DPP10: variants seen among roughly 807,000 people sequenced by gnomAD.
DPP10 encodes inactive dipeptidyl peptidase 10.
In DPP10, 33 loss-of-function variants were observed where a neutral mutation model predicts 120.9. The observed-to-expected ratio is 0.27, with a 90% CI of 0.21 to 0.37. DPP10 has a LOEUF of 0.37. DPP10 is among the 10% of genes least tolerant of loss of function. The pLI is 1.00. For missense variants in DPP10, 816 were observed against 942.8 expected, an observed-to-expected ratio of 0.87 and a Z score of 1.76; for synonymous variants, 337 against 326.1, an observed-to-expected ratio of 1.03 and a Z score of -0.36.
At chr2:115,230,948 G>C (rs1459541211) in intron 1 of DPP10, among the ~76,000 whole-genome samples, 3 of 151,946 alleles carry the variant, frequency 2.0e-5, no homozygotes, top group South Asian at 4.1e-4. Context: ...AGCTAATTTA[G>C]TTAAGTGAGT....
At chr2:114,906,577 A>G (rs1490564730) in intron 1 of DPP10, among the ~76,000 whole-genome samples, 1 of 151,962 alleles carries the variant, frequency 6.6e-6, no homozygotes, top group Non-Finnish European at 1.5e-5. Flanking sequence ...AGAAGTTTGT[A>G]TTTTTCTAAT....
At chr2:114,528,273 A>C (rs1296605140) in intron 1 of DPP10, among the ~76,000 whole-genome samples, 1 of 152,186 alleles carries the variant, frequency 6.6e-6, no homozygotes, top group East Asian at 1.9e-4. Flanking sequence ...AGGGACTATC[A>C]TAGTCAATGG....
intron 5 of DPP10, among the ~76,000 whole-genome samples, chr2:115,528,681 A>G (rs2148908157): frequency 6.6e-6 from 1 of 152,248 alleles, no homozygotes; most frequent in East Asian, 1.9e-4. Flanking sequence ...ATATTCAGCA[A>G]TACAAAGGAA....
intron 1 of DPP10, among the ~76,000 whole-genome samples, chr2:115,203,176 T>A (rs972360604): frequency 6.6e-6 from 1 of 152,114 alleles, no homozygotes; most frequent in Non-Finnish European, 1.5e-5. Flanking sequence ...TGACAAGAAT[T>A]CAACTGCCGT....
At chr2:115,337,276 C>A (rs1407260917) in intron 2 of DPP10, among the ~76,000 whole-genome samples, 1 of 151,972 alleles carries the variant, frequency 6.6e-6, no homozygotes, top group Non-Finnish European at 1.5e-5. Context: ...GAGGGGCTTA[C>A]ACTAAGGAGT....
intron 1 of DPP10, among the ~76,000 whole-genome samples, chr2:115,062,626 T>G (rs532834537): frequency 6.6e-6 from 1 of 152,288 alleles, no homozygotes; most frequent in East Asian, 1.9e-4. Context: ...CACTTATAAG[T>G]GAGAACACGC....
intron 1 of DPP10, among the ~76,000 whole-genome samples, chr2:114,489,767 T>C (rs1337138680): frequency 6.6e-6 from 1 of 152,166 alleles, no homozygotes; most frequent in Non-Finnish European, 1.5e-5. Flanking sequence ...TATATTTCAA[T>C]CAGCAACATC....
intron 19 of DPP10, among the ~76,000 whole-genome samples, chr2:115,814,263 C>A (rs1356647758): frequency 6.6e-6 from 1 of 151,918 alleles, no homozygotes; most frequent in Non-Finnish European, 1.5e-5. Flanking sequence ...ACCACAGAAA[C>A]AAACAAACAA....
intron 4 of DPP10, among the ~76,000 whole-genome samples, chr2:115,508,757 G>T (rs1444680159): frequency 6.6e-6 from 1 of 152,108 alleles, no homozygotes; most frequent in Non-Finnish European, 1.5e-5. Context: ...ACAAAAATTA[G>T]CTGAGTGTGG....
At chr2:114,573,133 C>T (rs1689785177) in intron 1 of DPP10, among the ~76,000 whole-genome samples, 1 of 152,074 alleles carries the variant, frequency 6.6e-6, no homozygotes, top group South Asian at 2.1e-4. Context: ...CAGGCACATG[C>T]CACCATGCCC....
chr2:115,839,756 C>T (rs988853197), intron 24 of DPP10, among the ~76,000 whole-genome samples: 7 of 151,002 alleles, frequency 4.6e-5, no homozygotes, highest in African/African-American at 1.7e-4. Context: ...ACACCCTAGA[C>T]AGAATGTGAG....
rs192932187 is a variant in DPP10 at position 114,733,869 on chromosome 2, C to T, written c.60+291031C>T. On this transcript the variant is annotated intron_variant, in intron 1 of 25. Transcript: ENST00000410059. Reference sequence around the variant, plus strand: ...CATCTATTAGATATAATAGACAGTGCCTTGTGGTACAGCAGTTTAGGAATA... The same window carrying T: ...CATCTATTAGATATAATAGACAGTGTCTTGTGGTACAGCAGTTTAGGAATA... 9.2e-5 allele frequency among the ~76,000 whole-genome samples: 14 copies of T among 152,218 alleles called. No individual in the cohort carries two copies. The East Asian group carries it at 2.5e-3, about 27-fold the overall frequency.
At chr2:115,472,314 G>C (rs2074780878) in intron 3 of DPP10, among the ~76,000 whole-genome samples, 1 of 152,124 alleles carries the variant, frequency 6.6e-6, no homozygotes, top group Non-Finnish European at 1.5e-5. Context: ...GAAGAGGTCT[G>C]TGACAGGACT....
At chr2:114,515,483 G>A in intron 1 of DPP10, among the ~76,000 whole-genome samples, 1 of 151,930 alleles carries the variant, frequency 6.6e-6, no homozygotes, top group Non-Finnish European at 1.5e-5. Flanking sequence ...GTCTGAAACT[G>A]ATTTTCCTAA....
chr2:115,767,045 G>A (rs1314903447), intron 12 of DPP10, among the ~76,000 whole-genome samples: 1 of 152,134 alleles, frequency 6.6e-6, no homozygotes, highest in Admixed American at 6.6e-5. Flanking sequence ...AATAAAAGGA[G>A]ATGAAGGATG....
At chr2:115,820,799 A>ATATGTGTGTG (rs1553517950) in intron 21 of DPP10, among the ~76,000 whole-genome samples, 12 of 105,554 alleles carry the variant, frequency 1.1e-4, no homozygotes, top group Admixed American at 3.4e-4. Context: ...TCCATGGTGT[A>ATATGTGTGTG]TGTGTGTGTG....
intron 1 of DPP10, among the ~76,000 whole-genome samples, chr2:114,510,371 C>T (rs989242339): frequency 6.6e-6 from 1 of 152,074 alleles, no homozygotes; most frequent in African/African-American, 2.4e-5. Flanking sequence ...TTTGGGAGGC[C>T]AAGGTGGGTG....
intron 24 of DPP10, among the ~76,000 whole-genome samples, chr2:115,836,973 G>T (rs1032642429): frequency 1.2e-4 from 18 of 152,216 alleles, no homozygotes; most frequent in African/African-American, 4.1e-4. Flanking sequence ...TCCCTGTAAT[G>T]ATGGAAATAC....
chr2:114,964,624 T>C (rs1698874335), intron 1 of DPP10, among the ~76,000 whole-genome samples: 1 of 152,042 alleles, frequency 6.6e-6, no homozygotes, highest in South Asian at 2.1e-4. Context: ...GGTGGAAGAA[T>C]GTTAACATAT....
Sources: allele counts gnomAD v4.1 joint callset (sites outside exome capture counted in the v4.1 genomes callset), GRCh38; gene constraint gnomAD v4.1.1; transcripts MANE v1.5; gene names NCBI Gene and HGNC (gene_info 2026-07-23, HGNC 2026-07-21).